The following AGAP1 variants were observed in gnomAD, a reference collection of about 807,000 sequenced individuals.
The protein encoded by AGAP1 is ArfGAP with GTPase domain, ankyrin repeat and PH domain 1.
A neutral mutation model predicts 105.3 loss-of-function variants in AGAP1; 29 were observed. That is an observed-to-expected ratio of 0.28 (90% CI 0.21 to 0.38). The LOEUF (loss-of-function observed/expected upper bound fraction) is 0.38, where lower values mean the gene tolerates loss of function less well. Among genes scored for constraint, AGAP1 ranks in the 10% least tolerant of loss-of-function variants. The probability of loss-of-function intolerance (pLI) is 1.00; values close to 1 mark genes in which losing one functional copy is unlikely to be tolerated. For synonymous variants in AGAP1, 509 were observed against 485.9 expected (o/e 1.05, Z -0.63); for missense variants, 998 against 1,165.1 (o/e 0.86, Z 2.09).
intron 9 of AGAP1, among the ~76,000 whole-genome samples, chr2:235,835,049 G>A (rs1038326593): frequency 6.6e-6 from 1 of 152,152 alleles, no homozygotes; most frequent in Non-Finnish European, 1.5e-5. Flanking sequence ...CTCGCCCCTC[G>A]GCCTCACACC....
rs1020105780 is a variant in AGAP1 at position 236,073,227 on chromosome 2, C to A, written c.2114+23946C>A. 1.3e-5 allele frequency among the ~76,000 whole-genome samples: 2 copies of A among 151,780 alleles called. No individual in the cohort carries two copies. The highest frequency in any genetic ancestry group is 2.9e-5 in the Non-Finnish European group (2 of 67,922). ...GGCCAGGCTGGTCTCGAACTCCTGACCTCGTGAACCACCCGCCTCGGCCTC... is the reference window on the plus strand; with the variant it reads ...GGCCAGGCTGGTCTCGAACTCCTGAACTCGTGAACCACCCGCCTCGGCCTC... On this transcript the variant is annotated intron_variant, in intron 16 of 17. Coordinates refer to ENST00000304032, the MANE Select transcript of AGAP1 (RefSeq NM_001037131.3). The surrounding 1 kb of genome is among the most constrained non-coding windows in gnomAD (Gnocchi z 5.4).
At chr2:235,532,134 A>G (rs1279441459) in intron 1 of AGAP1, among the ~76,000 whole-genome samples, 4 of 152,258 alleles carry the variant, frequency 2.6e-5, no homozygotes, top group Admixed American at 2.0e-4. Flanking sequence ...ACTATAAAGA[A>G]GAAGAAAACA....
At chr2:235,925,698 C>T (rs1962298) in intron 11 of AGAP1, among the ~76,000 whole-genome samples, 61,299 of 151,952 alleles carry the variant, frequency 0.4, 12,788 homozygotes, top group Admixed American at 0.49. Flanking sequence ...TGTTGACTGT[C>T]GGCGGCCACG....
intron 9 of AGAP1, among the ~76,000 whole-genome samples, chr2:235,818,184 T>C (rs1325679453): frequency 2.0e-5 from 3 of 152,230 alleles, no homozygotes; most frequent in Non-Finnish European, 4.4e-5. Flanking sequence ...GAGTACATAT[T>C]GTACATTACG....
chr2:235,595,772 G>C (rs1945506548), intron 1 of AGAP1, among the ~76,000 whole-genome samples: 1 of 152,212 alleles, frequency 6.6e-6, no homozygotes, highest in South Asian at 2.1e-4. Flanking sequence ...ACTAGCAGTT[G>C]ACAGCGATAT....
At chr2:235,686,164 A>T (rs889912897) in intron 1 of AGAP1, among the ~76,000 whole-genome samples, 1 of 152,156 alleles carries the variant, frequency 6.6e-6, no homozygotes, top group South Asian at 2.1e-4. Context: ...TTAAAGATGT[A>T]TCTCATCCAG....
Position 236,080,268 on chromosome 2 carries a change from G to A in AGAP1, c.2114+30987G>A, listed in dbSNP as rs941267876. On this transcript the variant is annotated intron_variant, in intron 16 of 17. Transcript: ENST00000304032. This position sits in a 1 kb window ranked among gnomAD's most constrained non-coding sequence, Gnocchi z 4.2. ...GCAGAGCCTCTGCTGGAAAGACACA[G>A]GGAAAGGAGAGAGAAGAATTGTTAC... Among the ~76,000 whole-genome samples the A allele has an allele frequency of 1.3e-5, 2 of 152,250 alleles. No homozygotes were observed. Among genetic ancestry groups the A allele is most frequent in the African/African-American group, 4.8e-5 (2 of 41,470 alleles).
chr2:235,681,915 A>G (rs1949097089), intron 1 of AGAP1, among the ~76,000 whole-genome samples: 1 of 139,940 alleles, frequency 7.1e-6, no homozygotes, highest in Non-Finnish European at 1.5e-5. Flanking sequence ...CAGTGGCACA[A>G]TCTCAGCTCA....
intron 1 of AGAP1, among the ~76,000 whole-genome samples, chr2:235,636,981 A>T (rs1424152142): frequency 1.3e-5 from 2 of 151,746 alleles, no homozygotes; most frequent in African/African-American, 2.4e-5. Flanking sequence ...CTCGCAGCAG[A>T]CCCTCCCTCA....
At chr2:235,576,749 T>C (rs900352318) in intron 1 of AGAP1, among the ~76,000 whole-genome samples, 1 of 152,218 alleles carries the variant, frequency 6.6e-6, no homozygotes, top group African/African-American at 2.4e-5. Context: ...GGAGCATCAT[T>C]AGCTGCAGCT....
chr2:235,526,867 T>C (rs1043933211), intron 1 of AGAP1, among the ~76,000 whole-genome samples: 1 of 152,194 alleles, frequency 6.6e-6, no homozygotes, highest in African/African-American at 2.4e-5. Context: ...GTGGGTGGGT[T>C]GTGTCCAGAA....
intron 1 of AGAP1, among the ~76,000 whole-genome samples, chr2:235,646,287 A>AAAAAT (rs1553596039): frequency 1.3e-5 from 2 of 150,650 alleles, no homozygotes; most frequent in African/African-American, 2.4e-5. Context: ...AAAAAAAAAA[A>AAAAAT]GGTTGTTTTG....
At chr2:235,726,544 T>C (rs992686500) in intron 3 of AGAP1, among the ~76,000 whole-genome samples, 1 of 152,230 alleles carries the variant, frequency 6.6e-6, no homozygotes, top group African/African-American at 2.4e-5. Context: ...TCTATCCCAA[T>C]GGAACCACCA....
chr2:235,636,580 G>A (rs1337634134), intron 1 of AGAP1, among the ~76,000 whole-genome samples: 1 of 152,044 alleles, frequency 6.6e-6, no homozygotes. Flanking sequence ...CACTCCCCTA[G>A]GCATCCCTCA....
chr2:235,782,809 G>A (rs756583807), intron 6 of AGAP1, among the ~76,000 whole-genome samples: 1 of 152,162 alleles, frequency 6.6e-6, no homozygotes, highest in Admixed American at 6.5e-5. Context: ...TGAGGAAACC[G>A]TATTGCATGC....
chr2:235,985,653 G>C (rs2055282142), intron 13 of AGAP1, among the ~76,000 whole-genome samples: 1 of 152,172 alleles, frequency 6.6e-6, no homozygotes, highest in Non-Finnish European at 1.5e-5. Context: ...TCCAGTTTCA[G>C]TTTTCTGCAT....
rs1210907001 is a variant in AGAP1, at chr2:236,003,462, C to A, written c.1646-33099C>A. On this transcript the variant is annotated intron_variant, in intron 13 of 17. Coordinates refer to ENST00000304032, the MANE Select transcript of AGAP1 (RefSeq NM_001037131.3). The surrounding 1 kb of genome is among the most constrained non-coding windows in gnomAD (Gnocchi z 4.2). ...TTTTACCCACCTCTGTGTGTGGTCG[C>A]ACGTCCTCCTCATGGCCACGCTGGG... Among the ~76,000 whole-genome samples the A allele has an allele frequency of 7.2e-5, 11 of 152,220 alleles. No homozygotes were observed. The highest frequency in any genetic ancestry group is 5.9e-4 in the Admixed American group (9 of 15,284).
chr2:235,745,179 T>C (rs937948504), intron 5 of AGAP1, among the ~76,000 whole-genome samples: 1 of 152,268 alleles, frequency 6.6e-6, no homozygotes, highest in Admixed American at 6.5e-5. Flanking sequence ...TTTTCTGCTA[T>C]ATTTTAATTC....
At chr2:235,624,687 A>G (rs1254202213) in intron 1 of AGAP1, among the ~76,000 whole-genome samples, 1 of 152,058 alleles carries the variant, frequency 6.6e-6, no homozygotes, top group African/African-American at 2.4e-5. Context: ...CCCTCAGATC[A>G]TTGCAGGTGA....
Sources: allele counts gnomAD v4.1 joint callset (sites outside exome capture counted in the v4.1 genomes callset), GRCh38; gene constraint gnomAD v4.1.1; non-coding constraint Gnocchi (gnomAD v3.1); transcripts MANE v1.5; gene names NCBI Gene and HGNC (gene_info 2026-07-23, HGNC 2026-07-21).